Variants in CCN4 observed in about 807,000 individuals in gnomAD.
The protein encoded by CCN4 is CCN family member 4.
A neutral mutation model predicts 36.7 loss-of-function variants in CCN4; 30 were observed. That is an observed-to-expected ratio of 0.82 (90% CI 0.61 to 1.11). CCN4 has a LOEUF of 1.11. Ranked by LOEUF, CCN4 falls within the 50% of genes least tolerant of loss-of-function variation. CCN4 has a pLI of 0.00. For missense variants in CCN4, 505 were observed against 504.9 expected (o/e 1.00, Z 0.00); for synonymous variants, 191 against 195.4 (o/e 0.98, Z 0.19).
intron 1 of CCN4, among the ~76,000 whole-genome samples, chr8:133,196,877 G>T (rs986216017): frequency 2.0e-5 from 3 of 152,160 alleles, no homozygotes; most frequent in African/African-American, 7.2e-5. Context: ...ATGAGCAGGG[G>T]TTTATAAAGA....
chr8:133,201,356 T>C (rs62514012), intron 1 of CCN4, among the ~76,000 whole-genome samples: 16,027 of 152,154 alleles, frequency 0.11, 896 homozygotes, highest in South Asian at 0.17. Context: ...TAAAAAAAAT[T>C]ATTTGGGAGA....
chr8:133,204,028 A>AT (rs1366476509), intron 1 of CCN4, among the ~76,000 whole-genome samples: 1 of 151,932 alleles, frequency 6.6e-6, no homozygotes, highest in African/African-American at 2.4e-5. Flanking sequence ...CCAGGGCTTT[A>AT]TTTTTTTTCC....
rs148831770 is a variant in CCN4 at position 133,207,537 on chromosome 8, G to C, written c.70-5327G>C. ...AAGAGTTAGTGGCTCGAAAACTCTG[G>C]ACAAGGCAGACCTTGGTTCCATCCC... is the stretch of plus-strand genomic sequence containing the variant. On this transcript the variant is annotated intron_variant, in intron 1 of 4. Transcript: ENST00000250160. 6.2e-3 allele frequency among the ~76,000 whole-genome samples: 945 copies of C among 152,320 alleles called. 14 individuals carry two copies. Among genetic ancestry groups the C allele is most frequent in the African/African-American group, 0.022 (898 of 41,564 alleles).
chr8:133,194,388 T>G (rs1340715914), intron 1 of CCN4, among the ~76,000 whole-genome samples: 17 of 52,980 alleles, frequency 3.2e-4, no homozygotes, highest in East Asian at 6.6e-4. Flanking sequence ...GGTGTGTGTG[T>G]GGTGTGTGGG....
intron 4 of CCN4, 113 bp downstream of exon 4, chr8:133,225,696 C>A: frequency 9.0e-7 from 1 of 1,113,174 alleles, no homozygotes; most frequent in Non-Finnish European, 1.2e-6. Flanking sequence ...AATAGTTAAG[C>A]TCACCTGGTA....
chr8:133,227,439 A>AT lies in CCN4; in HGVS notation c.833_834insT (p.Gln278HisfsTer31). 1 of 1,614,046 alleles carries AT rather than the reference A, an allele frequency of 6.2e-7. No homozygotes were observed. Among genetic ancestry groups the AT allele is most frequent in the Non-Finnish European group, 8.5e-7 (1 of 1,179,980 alleles). On this transcript the variant is annotated frameshift_variant, in exon 5 of 5. Coordinates refer to ENST00000250160, the MANE Select transcript of CCN4 (RefSeq NM_003882.4). LOFTEE classifies it high-confidence loss of function. ...GGGAAGAAGTGTCTGGCTGTGTACC[A>AT]GCCAGAGGCATCCATGAACTTCACA...
At chr8:133,217,421 G>A (rs1339881497) in intron 2 of CCN4, among the ~76,000 whole-genome samples, 1 of 152,222 alleles carries the variant, frequency 6.6e-6, no homozygotes, top group African/African-American at 2.4e-5. Flanking sequence ...AAGCTAACTC[G>A]ATCACACCTG....
At chr8:133,194,654 CGT>C (rs1853278198) in intron 1 of CCN4, among the ~76,000 whole-genome samples, 1 of 23,312 alleles carries the variant, frequency 4.3e-5, no homozygotes, top group African/African-American at 1.9e-4. Flanking sequence ...TGCGTGTGTG[CGT>C]GTGTGGTGGG....
At chr8:133,221,427 G>A (rs1332576229) in intron 3 of CCN4, among the ~76,000 whole-genome samples, 1 of 152,226 alleles carries the variant, frequency 6.6e-6, no homozygotes, top group Non-Finnish European at 1.5e-5. Context: ...ATGGATGGAT[G>A]AAGAATAGAT....
chr8:133,220,533 C>T lies in CCN4; in HGVS notation c.350-48C>T, dbSNP rs150735873. On this transcript the variant is annotated intron_variant, in intron 2 of 4. Transcript: ENST00000250160. ...GCCCCTATAAAGGCAGCTGGGCCAG[C>T]CAGGGGCACCAAGGCCACTGGGCCT... 3.6e-5 allele frequency: 57 copies of T among 1,592,406 alleles called. 1 individual carries two copies. In the East Asian group the frequency reaches 1.3e-3, roughly 35 times the overall value.
intron 2 of CCN4, 149 bp downstream of exon 2, chr8:133,213,292 G>A: frequency 9.8e-7 from 1 of 1,025,128 alleles, no homozygotes; most frequent in Non-Finnish European, 1.4e-6. Flanking sequence ...GCCAGAGGCT[G>A]GGTCCTTCCT....
chr8:133,194,462 GT>G (rs1853251618), intron 1 of CCN4, among the ~76,000 whole-genome samples: 1 of 88,614 alleles, frequency 1.1e-5, no homozygotes, highest in Non-Finnish European at 2.2e-5. Flanking sequence ...TGGTATGTGT[GT>G]GGGGTGTGTG....
At position 133,225,452 on chromosome 8, in the gene CCN4, C is replaced by G; in HGVS notation, c.673C>G (p.Pro225Ala). ...NCIAYTSPWS[P>A]CSTSCGLGVS... ...CATAGCCTACACAAGCCCCTGGAGC[C>G]CTTGCTCCACCAGCTGCGGCCTGGG... Residue 225 changes from proline to alanine, a missense_variant, in exon 4 of 5, where the codon CCT (proline) becomes GCT (alanine). Transcript: ENST00000250160. The G allele has an allele frequency of 6.2e-7, 1 of 1,614,072 alleles. No homozygotes were observed. The highest frequency in any genetic ancestry group is 1.1e-5 in the South Asian group (1 of 91,072).
In CCN4 at chr8:133,225,623, C is replaced by A. The variant is rs915366959; in HGVS notation, c.804+40C>A. Reference sequence around the variant, plus strand: ...GGTGTGGATGTCTAGACTTCACAAGCAGACAAATATGGGTTTGAGCCTGGC... The same window carrying A: ...GGTGTGGATGTCTAGACTTCACAAGAAGACAAATATGGGTTTGAGCCTGGC... On this transcript the variant is annotated intron_variant, in intron 4 of 4. Coordinates refer to ENST00000250160, the MANE Select transcript of CCN4 (RefSeq NM_003882.4). The A allele has an allele frequency of 1.6e-5, 24 of 1,494,830 alleles. No individual in the cohort carries two copies. In the African/African-American group the frequency reaches 3.2e-4, roughly 20 times the overall value. The allele number at this position is 1,494,830 out of a possible 1,614,324, so 92.6% of individuals were successfully genotyped here.
intron 4 of CCN4, among the ~76,000 whole-genome samples, chr8:133,226,777 T>C (rs1187060967): frequency 6.6e-6 from 1 of 152,178 alleles, no homozygotes; most frequent in African/African-American, 2.4e-5. Context: ...TCTAGCATAC[T>C]ATTTACACAG....
intron 1 of CCN4, among the ~76,000 whole-genome samples, chr8:133,196,519 T>C (rs1853389940): frequency 6.6e-6 from 1 of 152,180 alleles, no homozygotes; most frequent in Admixed American, 6.5e-5. Flanking sequence ...ATGGCTCTTA[T>C]TGTATTTTAC....
chr8:133,191,897 T>C (rs1853127301), intron 1 of CCN4, among the ~76,000 whole-genome samples: 3 of 151,994 alleles, frequency 2.0e-5, no homozygotes. Flanking sequence ...AGAGTCTCTC[T>C]CTCTTCCACC....
At chr8:133,225,058 G>C (rs750426761) in intron 3 of CCN4, among the ~76,000 whole-genome samples, 22 of 152,194 alleles carry the variant, frequency 1.4e-4, no homozygotes, top group Non-Finnish European at 3.1e-4. Flanking sequence ...TTCTAATAGG[G>C]AGACAGGCCC....
intron 1 of CCN4, among the ~76,000 whole-genome samples, chr8:133,201,864 GAAAAGA>G (rs529842706): frequency 0.02 from 3,050 of 151,152 alleles, 108 homozygotes; most frequent in African/African-American, 0.07. Context: ...GAAAAGAAAA[GAAAAGA>G]AAAAAACCCA....
Sources: gnomAD v4.1 joint callset for allele counts (sites outside exome capture counted in the v4.1 genomes callset) on GRCh38, gnomAD v4.1.1 for gene constraint, MANE v1.5 for transcripts, NCBI Gene and HGNC (gene_info 2026-07-23, HGNC 2026-07-21) for gene names.